Variants in MAP3K7CL observed in about 807,000 individuals in gnomAD.
MAP3K7CL encodes MAP3K7 C-terminal like.
Under a neutral mutation model 18.6 loss-of-function variants are expected in MAP3K7CL, and 16 were observed. The ratio of observed to expected loss-of-function variants is 0.86; its 90% CI spans 0.58 to 1.31. The LOEUF is 1.31. Ranked by LOEUF, MAP3K7CL falls within the 50% of genes most tolerant of loss-of-function variation. The probability of loss-of-function intolerance (pLI) is 0.00; values close to 1 mark genes in which losing one functional copy is unlikely to be tolerated. For missense variants in MAP3K7CL, 163 were observed against 174.4 expected, an observed-to-expected ratio of 0.93 and a Z score of 0.37; for synonymous variants, 65 against 66.8, an observed-to-expected ratio of 0.97 and a Z score of 0.13.
intron 4 of MAP3K7CL, among the ~76,000 whole-genome samples, chr21:29,093,067 C>A (rs2086057626): frequency 6.6e-6 from 1 of 152,192 alleles, no homozygotes; most frequent in African/African-American, 2.4e-5. Flanking sequence ...CTATGCCCAG[C>A]TAAGTTTTGT....
chr21:29,138,694 C>A lies in MAP3K7CL; in HGVS notation c.70+5280C>A, dbSNP rs183839364. Among the ~76,000 whole-genome samples the A allele has an allele frequency of 2.6e-5, 4 of 152,208 alleles. No individual in the cohort carries two copies. In the East Asian group the frequency reaches 7.7e-4, roughly 29 times the overall value. On this transcript the variant is annotated intron_variant, in intron 2 of 4. Transcript: ENST00000399928. ...TTTTAATATTTTGTTTTTAAAAATT[C>A]TTTCTGGCCAGGCACGGTGGCTCAT... is the stretch of plus-strand genomic sequence containing the variant.
chr21:29,094,930 G>A (rs1325290684), intron 4 of MAP3K7CL, among the ~76,000 whole-genome samples: 1 of 152,104 alleles, frequency 6.6e-6, no homozygotes, highest in Non-Finnish European at 1.5e-5. Context: ...ATGGTGGCAT[G>A]CACCTGCAGT....
intron 4 of MAP3K7CL, among the ~76,000 whole-genome samples, chr21:29,168,067 A>C (rs1274361515): frequency 6.6e-6 from 1 of 152,144 alleles, no homozygotes; most frequent in African/African-American, 2.4e-5. Flanking sequence ...AAAGGATTCC[A>C]CAGCAGGGTA....
At chr21:29,090,573 G>A (rs144289818) in intron 1 of MAP3K7CL, among the ~76,000 whole-genome samples, 1 of 152,214 alleles carries the variant, frequency 6.6e-6, no homozygotes, top group Admixed American at 6.5e-5. Context: ...TAGAGACAGG[G>A]TTTCACTGTG....
intron 4 of MAP3K7CL, among the ~76,000 whole-genome samples, chr21:29,170,038 T>G (rs566145224): frequency 1.3e-5 from 2 of 152,220 alleles, no homozygotes; most frequent in Non-Finnish European, 2.9e-5. Flanking sequence ...AACCAATAAA[T>G]CAAAGGCAGA....
chr21:29,084,664 A>T (rs916310377), upstream of MAP3K7CL, among the ~76,000 whole-genome samples: 1 of 152,158 alleles, frequency 6.6e-6, no homozygotes, highest in Admixed American at 6.5e-5. Flanking sequence ...TGATTAGACT[A>T]TTTTCTTTCT....
intron 4 of MAP3K7CL, among the ~76,000 whole-genome samples, chr21:29,116,072 C>G (rs2086500393): frequency 6.6e-6 from 1 of 152,224 alleles, no homozygotes. Context: ...GAAGCTCTTT[C>G]ATTGAATCAG....
intron 4 of MAP3K7CL, among the ~76,000 whole-genome samples, chr21:29,119,397 A>G (rs935039403): frequency 2.0e-5 from 3 of 152,158 alleles, no homozygotes; most frequent in Non-Finnish European, 4.4e-5. Context: ...TCTTTTCAAT[A>G]TGGCATCAAT....
chr21:29,106,496 T>A (rs2086325622), intron 4 of MAP3K7CL, among the ~76,000 whole-genome samples: 1 of 152,146 alleles, frequency 6.6e-6, no homozygotes, highest in South Asian at 2.1e-4. Flanking sequence ...AATAATGGGG[T>A]TATGGCTTGG....
At chr21:29,151,689 T>G (rs935786381) in intron 3 of MAP3K7CL, among the ~76,000 whole-genome samples, 1 of 152,252 alleles carries the variant, frequency 6.6e-6, no homozygotes, top group Non-Finnish European at 1.5e-5. Context: ...CATCAAATTA[T>G]GGATCATTAA....
intron 4 of MAP3K7CL, among the ~76,000 whole-genome samples, chr21:29,173,766 A>G (rs2087899664): frequency 6.6e-6 from 1 of 152,168 alleles, no homozygotes; most frequent in Admixed American, 6.5e-5. Flanking sequence ...CAGTGGCACA[A>G]TCATAGCTCA....
At chr21:29,117,066 C>G (rs1308125957) in intron 4 of MAP3K7CL, among the ~76,000 whole-genome samples, 1 of 152,068 alleles carries the variant, frequency 6.6e-6, no homozygotes, top group African/African-American at 2.4e-5. Context: ...ACTCTTATTT[C>G]AAACACAAAA....
At chr21:29,134,073 GCT>G (rs1037057670) in intron 2 of MAP3K7CL, among the ~76,000 whole-genome samples, 3 of 152,286 alleles carry the variant, frequency 2.0e-5, no homozygotes, top group African/African-American at 7.2e-5. Flanking sequence ...GGAAGGCTTG[GCT>G]CTCTTCCACT....
chr21:29,106,741 T>A (rs2086329406), intron 4 of MAP3K7CL, among the ~76,000 whole-genome samples: 1 of 152,222 alleles, frequency 6.6e-6, no homozygotes, highest in Admixed American at 6.5e-5. Flanking sequence ...TGTCTCTGCG[T>A]CTCAGACTAG....
intron 2 of MAP3K7CL, among the ~76,000 whole-genome samples, chr21:29,146,059 AC>A (rs1247151747): frequency 6.6e-6 from 1 of 151,884 alleles, no homozygotes; most frequent in Non-Finnish European, 1.5e-5. Context: ...TAAATGGATA[AC>A]TTTTTTTTTT....
At position 29,100,933 on chromosome 21, in the gene MAP3K7CL, C is replaced by T. The variant is rs189166565; in HGVS notation, c.370+8352C>T. On this transcript the variant is annotated intron_variant, in intron 4 of 6. Transcript: ENST00000286791. ...TTCACCGGGTTAGCCAGGATGGTGT[C>T]GATCTCCTGACCTCGTGATCCGCCC... Among the ~76,000 whole-genome samples, 790 of 150,754 alleles carry T rather than the reference C, an allele frequency of 5.2e-3. 7 individuals are homozygous for T. The highest frequency in any genetic ancestry group is 0.018 in the African/African-American group (752 of 41,008).
chr21:29,173,633 G>A (rs2087895455), intron 4 of MAP3K7CL, among the ~76,000 whole-genome samples: 1 of 152,212 alleles, frequency 6.6e-6, no homozygotes, highest in South Asian at 2.1e-4. Context: ...CCATGATGGA[G>A]ACAGACCTGG....
chr21:29,132,096 G>T (rs1168308761), intron 1 of MAP3K7CL, among the ~76,000 whole-genome samples: 1 of 152,124 alleles, frequency 6.6e-6, no homozygotes, highest in African/African-American at 2.4e-5. Flanking sequence ...TTTAGGGGAG[G>T]TGGGACTAAA....
chr21:29,121,593 G>A (rs1264256701), intron 4 of MAP3K7CL, among the ~76,000 whole-genome samples: 2 of 152,118 alleles, frequency 1.3e-5, no homozygotes, highest in Non-Finnish European at 1.5e-5. Flanking sequence ...GCAGTAGGAG[G>A]ATGTCCAAGT....
Sources: gnomAD v4.1 joint callset for allele counts (sites outside exome capture counted in the v4.1 genomes callset) on GRCh38, gnomAD v4.1.1 for gene constraint, MANE v1.5 for transcripts, NCBI Gene and HGNC (gene_info 2026-07-23, HGNC 2026-07-21) for gene names.